Variants in CEPT1 observed in about 807,000 individuals in gnomAD.
The protein encoded by CEPT1 is choline/ethanolaminephosphotransferase 1.
A neutral mutation model predicts 42.6 loss-of-function variants in CEPT1; 7 were observed. That is an observed-to-expected ratio of 0.16 (90% CI 0.09 to 0.31). The LOEUF is 0.31. Among genes scored for constraint, CEPT1 ranks in the 10% least tolerant of loss-of-function variants. The pLI, the probability that CEPT1 is intolerant of heterozygous loss-of-function variation, is 1.00. For synonymous variants in CEPT1, 171 were observed against 171.9 expected (o/e 0.99, Z 0.04); for missense variants, 306 against 502.1 (o/e 0.61, Z 3.73).
At position 111,169,308 on chromosome 1, in the gene CEPT1, T is replaced by C. The variant is rs142273066; in HGVS notation, c.630-5571T>C. On this transcript the variant is annotated intron_variant, in intron 4 of 8. Transcript: ENST00000357172. Reference sequence around the variant, plus strand: ...CATTGCAGTTGCCTAGATTTATAGATTTATAATTTTTGATAGCCCCTTTTT... The same window carrying C: ...CATTGCAGTTGCCTAGATTTATAGACTTATAATTTTTGATAGCCCCTTTTT... Among the ~76,000 whole-genome samples the C allele has an allele frequency of 4.8e-3, 738 of 152,300 alleles. 6 individuals carry two copies. Among genetic ancestry groups the C allele is most frequent in the African/African-American group, 0.017 (689 of 41,572 alleles).
rs750231799 is a variant in CEPT1 at position 111,182,750 on chromosome 1, T to C, written c.847-49T>C. ...ACTGTTCTGCAGCAGATCCATGTAG[T>C]ATCTGATGAGTACTGAATACTATTA... On this transcript the variant is annotated intron_variant, in intron 6 of 8. Transcript: ENST00000357172. 4 of 1,475,188 alleles carry C rather than the reference T, an allele frequency of 2.7e-6. No homozygotes were observed. In the Admixed American group the frequency reaches 8.1e-5, roughly 30 times the overall value. The allele number at this position is 1,475,188 out of a possible 1,614,324, so 91.4% of individuals were successfully genotyped here. A position where few individuals can be genotyped will look rare whatever the true frequency, so the allele number is the denominator to read the frequency against.
At chr1:111,143,733 G>A (rs188416694) in intron 1 of CEPT1, among the ~76,000 whole-genome samples, 58 of 151,848 alleles carry the variant, frequency 3.8e-4, no homozygotes, top group Admixed American at 1.2e-3. Context: ...ATAACTTTTG[G>A]GTTTTTTTGT....
rs1225562872 is a variant in CEPT1 at position 111,182,226 on chromosome 1, C to T, written c.754C>T (p.Leu252Phe). 2 of 1,611,508 alleles carry T rather than the reference C, an allele frequency of 1.2e-6. No homozygotes were observed. Among genetic ancestry groups the T allele is most frequent in the Non-Finnish European group, 1.7e-6 (2 of 1,178,556 alleles). The change falls in exon 6 of 9, where the codon CTT becomes TTT. Residue 252 changes from leucine to phenylalanine, a missense_variant. Physicochemically the swap from Leu to Phe is conservative, Grantham distance 22. Transcript: ENST00000357172. ...TATTCAAATGAAAATTTTTCCTGCACTTTGTACTGTAGCAGGGACCATATT... is the reference window on the plus strand; with the variant it reads ...TATTCAAATGAAAATTTTTCCTGCATTTTGTACTGTAGCAGGGACCATATT... ...LNIQMKIFPA[L>F]CTVAGTIFSC...
At chr1:111,178,462 CTTTT>C (rs71580573) in intron 5 of CEPT1, 4 of 144,654 alleles carry the variant, frequency 2.8e-5, no homozygotes, top group Admixed American at 2.8e-4. Context: ...TGTGGTTTTC[CTTTT>C]TTTTTTTTCC....
chr1:111,147,929 G>T lies in CEPT1; in HGVS notation c.215G>T (p.Trp72Leu). 6.2e-7 allele frequency: 1 copy of T among 1,614,170 alleles called. No homozygotes were observed. Among genetic ancestry groups the T allele is most frequent in the Non-Finnish European group, 8.5e-7 (1 of 1,180,028 alleles). Reference sequence around the variant, plus strand: ...CTTGAGCCCTTAATGCAAGGGTATTGGGAATGGCTCGTTAGAAGAGTTCCC... The same window carrying T: ...CTTGAGCCCTTAATGCAAGGGTATTTGGAATGGCTCGTTAGAAGAGTTCCC... ...SLLEPLMQGY[W>L]EWLVRRVPSW... The change falls in exon 2 of 9, where the codon TGG becomes TTG. Residue 72 changes from tryptophan (W) to leucine (L), a missense_variant. Trp to Leu is a moderately conservative substitution (Grantham distance 61). Around this residue, in one of 2 missense-constraint regions of CEPT1, gnomAD observed 253 missense variants for 447.3 expected, o/e 0.57. Coordinates refer to ENST00000357172, the MANE Select transcript of CEPT1 (RefSeq NM_006090.5).
At chr1:111,148,900 A>C (rs968730793) in intron 2 of CEPT1, among the ~76,000 whole-genome samples, 4 of 152,258 alleles carry the variant, frequency 2.6e-5, no homozygotes, top group African/African-American at 9.6e-5. Flanking sequence ...AGGACAGTAG[A>C]AGGTAATTCT....
chr1:111,165,346 C>A (rs1237884442), intron 4 of CEPT1, among the ~76,000 whole-genome samples: 3 of 151,632 alleles, frequency 2.0e-5, no homozygotes, highest in Non-Finnish European at 4.4e-5. Context: ...CTGCGCCCGG[C>A]CTAAAACATC....
intron 2 of CEPT1, among the ~76,000 whole-genome samples, chr1:111,155,934 C>T (rs747395738): frequency 9.2e-5 from 14 of 151,980 alleles, no homozygotes; most frequent in South Asian, 2.1e-4. Context: ...ATCTTTATTT[C>T]TTCTAATTTT....
chr1:111,179,747 TCTC>T (rs1471174323), intron 5 of CEPT1: 1 of 152,118 alleles, frequency 6.6e-6, no homozygotes, highest in Non-Finnish European at 1.5e-5. Flanking sequence ...TTCTTCATAC[TCTC>T]CCAAAACAGG....
At chr1:111,154,485 C>T (rs192341414) in intron 2 of CEPT1, among the ~76,000 whole-genome samples, 333 of 152,152 alleles carry the variant, frequency 2.2e-3, no homozygotes, top group African/African-American at 7.6e-3. Flanking sequence ...CCCTTTGTTT[C>T]TTTCTCTTGT....
At chr1:111,178,398 A>T (rs1449633739) in intron 5 of CEPT1, 2 of 151,078 alleles carry the variant, frequency 1.3e-5, no homozygotes, top group Admixed American at 6.6e-5. Flanking sequence ...TCTTTCCCAA[A>T]TTTTTTCCCC....
intron 1 of CEPT1, chr1:111,140,524 G>T (rs1158388380): frequency 6.6e-6 from 1 of 151,928 alleles, no homozygotes; most frequent in Non-Finnish European, 1.5e-5. Flanking sequence ...CCTCTGTGGA[G>T]ACTGCCCCCT....
chr1:111,164,751 G>A (rs1239192955), intron 4 of CEPT1, among the ~76,000 whole-genome samples: 1 of 151,746 alleles, frequency 6.6e-6, no homozygotes, highest in Admixed American at 6.6e-5. Flanking sequence ...CTCCCGAGTA[G>A]CTAGGACTAC....
chr1:111,173,107 C>A (rs1656502760), intron 4 of CEPT1: 1 of 152,202 alleles, frequency 6.6e-6, no homozygotes, highest in African/African-American at 2.4e-5. Context: ...CCTTCCCCTT[C>A]CAAAAGGCTA....
At chr1:111,153,660 G>A (rs1258449829) in intron 2 of CEPT1, among the ~76,000 whole-genome samples, 1 of 152,148 alleles carries the variant, frequency 6.6e-6, no homozygotes, top group Non-Finnish European at 1.5e-5. Flanking sequence ...GTGAGAGATA[G>A]GGGTCTAGTT....
At chr1:111,165,477 T>C (rs928859558) in intron 4 of CEPT1, among the ~76,000 whole-genome samples, 8 of 152,200 alleles carry the variant, frequency 5.3e-5, no homozygotes, top group African/African-American at 1.7e-4. Context: ...CTTGGGCCAA[T>C]ATATGTTGGC....
intron 4 of CEPT1, among the ~76,000 whole-genome samples, chr1:111,164,781 GC>G (rs1178650867): frequency 6.6e-6 from 1 of 151,696 alleles, no homozygotes; most frequent in Non-Finnish European, 1.5e-5. Context: ...CTGCCACCAT[GC>G]CCAGCTAGTT....
At chr1:111,145,828 C>T (rs1654929220) in intron 1 of CEPT1, among the ~76,000 whole-genome samples, 1 of 152,212 alleles carries the variant, frequency 6.6e-6, no homozygotes, top group African/African-American at 2.4e-5. Flanking sequence ...AGCGCTGCCT[C>T]CCCTCCACCC....
intron 1 of CEPT1, among the ~76,000 whole-genome samples, chr1:111,140,786 ATGT>A (rs1041133432): frequency 5.9e-5 from 9 of 152,088 alleles, no homozygotes; most frequent in Non-Finnish European, 1.3e-4. Flanking sequence ...TGCGGTGCTG[ATGT>A]TTGTGGCTGG....
Sources: gnomAD v4.1 joint callset for allele counts (sites outside exome capture counted in the v4.1 genomes callset) on GRCh38, gnomAD v4.1.1 for gene constraint, gnomAD v4.1.1 regional missense constraint, MANE v1.5 for transcripts, NCBI Gene and HGNC (gene_info 2026-07-23, HGNC 2026-07-21) for gene names.